Variants in CLEC19A observed in about 807,000 individuals in gnomAD.
The protein encoded by CLEC19A is C-type lectin domain containing 19A, also known as C-type lectin domain family 19 member A.
CLEC19A carries 21 observed loss-of-function variants against 26.1 expected under a neutral mutation model. The ratio of observed to expected loss-of-function variants is 0.80; its 90% confidence interval spans 0.57 to 1.16. CLEC19A has a LOEUF of 1.16. CLEC19A is among the 50% of genes most tolerant of loss of function. The pLI is 0.00. For missense variants in CLEC19A, 224 were observed against 227.6 expected (o/e 0.98, Z 0.10); for synonymous variants, 89 against 88.6 (o/e 1.00, Z -0.03).
intron 1 of CLEC19A, among the ~76,000 whole-genome samples, chr16:19,297,019 C>A (rs1897719314): frequency 2.0e-5 from 3 of 152,210 alleles, no homozygotes; most frequent in East Asian, 3.8e-4. Context: ...GATAAGCCAT[C>A]CAACCTAGTA....
intron 3 of CLEC19A, 175 bp downstream of exon 3, chr16:19,304,330 G>A: frequency 1.9e-6 from 1 of 529,492 alleles, no homozygotes; most frequent in Non-Finnish European, 3.5e-6. Context: ...GACATTTAAT[G>A]ATGTCCTACT....
In CLEC19A at chr16:19,298,762, A is replaced by G; in HGVS notation, c.178A>G (p.Thr60Ala). The stretch of plus-strand genomic sequence containing the variant: ...CTATCGATTCTTCCCTCTCAATAAG[A>G]CCTGGGCTGAGGCCGACCTCTACTG... ...HCYRFFPLNK[T>A]WAEADLYCSE... Residue 60 changes from threonine (T) to alanine (A), a missense_variant, in exon 2 of 5, where the codon ACC becomes GCC. By Grantham distance (58) the Thr-to-Ala change is moderately conservative. Transcript: ENST00000636231. The G allele has an allele frequency of 6.5e-7, 1 of 1,549,806 alleles. No individual in the cohort carries two copies. The highest frequency in any genetic ancestry group is 2.4e-5 in the East Asian group (1 of 40,852).
Position 19,304,113 on chromosome 16 carries a change from C to A in CLEC19A, c.306C>A (p.Gly102=). The A allele has an allele frequency of 6.4e-7, 1 of 1,550,598 alleles. No homozygotes were observed. The change falls in exon 3 of 5, where the codon GGC becomes GGA. Residue 102 remains glycine, a synonymous_variant. Transcript: ENST00000636231. ...ACCTCGTGAACAGCTGTGTTCCCGGCATCCCAGCTGACGTCTGGACAGGCC... is the reference window on the plus strand; with the variant it reads ...ACCTCGTGAACAGCTGTGTTCCCGGAATCCCAGCTGACGTCTGGACAGGCC... ...VYDLVNSCVP[G]IPADVWTGLH...
chr16:19,307,468 A>C, intron 3 of CLEC19A, 77 bp from the exon 4 acceptor site: 1 of 1,516,798 alleles, frequency 6.6e-7, no homozygotes, highest in East Asian at 2.5e-5. Context: ...AAGACGTCTG[A>C]GCTGGAGCTG....
chr16:19,309,552 A>C lies in CLEC19A; in HGVS notation c.*469A>C, dbSNP rs1481826093. The C allele has an allele frequency of 6.4e-6, 1 of 155,536 alleles. No homozygotes were observed. The highest frequency in any genetic ancestry group is 1.4e-5 in the Non-Finnish European group (1 of 70,380). The allele number at this position is 155,536 out of a possible 1,614,324, so 9.6% of individuals were successfully genotyped here. On this transcript the variant is annotated 3_prime_UTR_variant, in exon 5 of 5. Coordinates refer to ENST00000636231, the MANE Select transcript of CLEC19A (RefSeq NM_001256720.2). ...CAAACTTTTGGAAATAAGATTAATAAGTTTGGGAGGCTTAATGTACAGCGT... is the reference window on the plus strand; with the variant it reads ...CAAACTTTTGGAAATAAGATTAATACGTTTGGGAGGCTTAATGTACAGCGT...
intron 1 of CLEC19A, among the ~76,000 whole-genome samples, chr16:19,296,233 G>A (rs1033679197): frequency 3.3e-5 from 5 of 152,254 alleles, no homozygotes; most frequent in African/African-American, 1.2e-4. Flanking sequence ...GGAAAGCCCA[G>A]TGGTACTGAC....
chr16:19,303,545 G>A (rs1597087758), intron 2 of CLEC19A, among the ~76,000 whole-genome samples: 2 of 152,180 alleles, frequency 1.3e-5, no homozygotes, highest in African/African-American at 2.4e-5. Flanking sequence ...GAGGGACTTC[G>A]TTTTGCTAAG....
intron 3 of CLEC19A, 145 bp from the exon 4 acceptor site, chr16:19,307,400 C>T: frequency 1.2e-6 from 1 of 830,366 alleles, no homozygotes; most frequent in Non-Finnish European, 1.8e-6. Context: ...GCAGTAGTGC[C>T]AGATAGCAGT....
rs1158419249 is a variant in CLEC19A, at chr16:19,310,290, A to T, written c.*1207A>T. 1.3e-5 allele frequency: 2 copies of T among 151,860 alleles called. No individual in the cohort carries two copies. The highest frequency in any genetic ancestry group is 2.9e-5 in the Non-Finnish European group (2 of 67,972). 9.4% of individuals were successfully genotyped at this position (151,860 alleles called of 1,614,324 possible). A position where few individuals can be genotyped will look rare whatever the true frequency, so the allele number is the denominator to read the frequency against. On this transcript the variant is annotated 3_prime_UTR_variant, in exon 5 of 5. Coordinates refer to ENST00000636231, the MANE Select transcript of CLEC19A (RefSeq NM_001256720.2). ...TGAAGATCAGCCTGGGCAACATAGT[A>T]AGACCCCATCTCCATAAGAAAAATT...
chr16:19,307,188 T>A (rs78446275), intron 3 of CLEC19A, among the ~76,000 whole-genome samples: 4,954 of 152,252 alleles, frequency 0.033, 283 homozygotes, highest in African/African-American at 0.11. Context: ...TGGGTTTGAT[T>A]CCCAGCACTA....
Position 19,304,107 on chromosome 16 carries a change from T to TGA in CLEC19A, c.300_301insGA (p.Pro101AspfsTer63). 6.4e-7 allele frequency: 1 copy of TGA among 1,550,580 alleles called. No individual in the cohort carries two copies. Among genetic ancestry groups the TGA allele is most frequent in the East Asian group, 2.4e-5 (1 of 40,916 alleles). On this transcript the variant is annotated frameshift_variant, in exon 3 of 5. Coordinates refer to ENST00000636231, the MANE Select transcript of CLEC19A (RefSeq NM_001256720.2). LOFTEE classifies it high-confidence loss of function. ...TATATGACCTCGTGAACAGCTGTGT[T>TGA]CCCGGCATCCCAGCTGACGTCTGGA...
intron 4 of CLEC19A, among the ~76,000 whole-genome samples, chr16:19,308,686 G>C (rs1456431821): frequency 6.6e-6 from 1 of 152,158 alleles, no homozygotes; most frequent in Non-Finnish European, 1.5e-5. Context: ...TTCCCTCTTT[G>C]CTCTTTTTTC....
intron 1 of CLEC19A, among the ~76,000 whole-genome samples, chr16:19,291,121 C>G (rs1310406773): frequency 1.3e-5 from 2 of 152,204 alleles, no homozygotes; most frequent in Admixed American, 1.3e-4. Flanking sequence ...GGATTACAGG[C>G]ATGAGCCACT....
intron 2 of CLEC19A, among the ~76,000 whole-genome samples, chr16:19,301,736 GTTT>G (rs1171248968): frequency 2.5e-5 from 2 of 81,492 alleles, no homozygotes; most frequent in Admixed American, 1.5e-4. Flanking sequence ...GGTTTTTTTG[GTTT>G]TTTTTTTTTT....
At chr16:19,291,004 G>A (rs179204) in intron 1 of CLEC19A, among the ~76,000 whole-genome samples, 92,020 of 151,880 alleles carry the variant, frequency 0.61, 29,156 homozygotes, top group East Asian at 0.92. Context: ...ACATATGGCT[G>A]ATTTACAAAA....
chr16:19,294,344 G>C (rs1158057875), intron 1 of CLEC19A, among the ~76,000 whole-genome samples: 2 of 152,154 alleles, frequency 1.3e-5, no homozygotes, highest in African/African-American at 2.4e-5. Context: ...CAGAAACCAA[G>C]ATAGAGATAG....
chr16:19,299,894 G>T (rs1321204787), intron 2 of CLEC19A, among the ~76,000 whole-genome samples: 1 of 152,178 alleles, frequency 6.6e-6, no homozygotes, highest in African/African-American at 2.4e-5. Context: ...AAGGGGGTTG[G>T]TTTTTTATGT....
At chr16:19,294,519 G>C (rs1200288801) in intron 1 of CLEC19A, among the ~76,000 whole-genome samples, 4 of 152,188 alleles carry the variant, frequency 2.6e-5, no homozygotes, top group Non-Finnish European at 5.9e-5. Context: ...CTCATGAAGA[G>C]TTTCATCTTC....
At chr16:19,291,066 C>T (rs768235142) in intron 1 of CLEC19A, among the ~76,000 whole-genome samples, 2 of 152,204 alleles carry the variant, frequency 1.3e-5, no homozygotes, top group Non-Finnish European at 2.9e-5. Context: ...TGGTCTCAAA[C>T]TCCTGGCCTC....
Sources: allele counts gnomAD v4.1 joint callset (sites outside exome capture counted in the v4.1 genomes callset), GRCh38; gene constraint gnomAD v4.1.1; transcripts MANE v1.5; gene names NCBI Gene and HGNC (gene_info 2026-07-23, HGNC 2026-07-21).